The following SHROOM3 variants were observed in gnomAD, a reference collection of about 807,000 sequenced individuals.
SHROOM3 encodes shroom family member 3, also known as protein Shroom3.
Under a neutral mutation model 138.6 loss-of-function variants are expected in SHROOM3, and 47 were observed. The ratio of observed to expected loss-of-function variants is 0.34; its 90% CI spans 0.27 to 0.43. The LOEUF (loss-of-function observed/expected upper bound fraction) is 0.43. Among genes scored for constraint, SHROOM3 ranks in the 20% least tolerant of loss-of-function variants. The probability of loss-of-function intolerance (pLI) is 1.00; values close to 1 mark genes in which losing one functional copy is unlikely to be tolerated. For missense variants in SHROOM3, 2,491 were observed against 2,596.5 expected (o/e 0.96, Z 0.88); for synonymous variants, 1,062 against 1,063.3 (o/e 1.00, Z 0.02).
chr4:76,754,816 G>A lies in SHROOM3; in HGVS notation c.4333G>A (p.Glu1445Lys). The A allele has an allele frequency of 6.2e-7, 1 of 1,614,168 alleles. No homozygotes were observed. The highest frequency in any genetic ancestry group is 8.5e-7 in the Non-Finnish European group (1 of 1,180,022). ...AGCCAGAGAGGACAGCCTTCCTGAG[G>A]AATCCTCAGCCCCTGATTTTGCAAA... ...HAAREDSLPE[E>K]SSAPDFANLK... is the part of the protein sequence containing the mutation. The change falls in exon 7 of 11, where the codon GAA becomes AAA. Residue 1445 changes from glutamate (E) to lysine (K), a missense_variant. Physicochemically the swap from Glu to Lys is moderately conservative, Grantham distance 56. This residue lies in a region of SHROOM3 where 1,733 missense variants were observed against 1,661.6 expected (regional missense o/e 1.04). Coordinates refer to ENST00000296043, the MANE Select transcript of SHROOM3 (RefSeq NM_020859.4).
chr4:76,603,619 A>G (rs1382171802), intron 2 of SHROOM3, among the ~76,000 whole-genome samples: 1 of 151,862 alleles, frequency 6.6e-6, no homozygotes, highest in Non-Finnish European at 1.5e-5. Flanking sequence ...GTTCTAGGGC[A>G]CATGTGCCCA....
intron 2 of SHROOM3, among the ~76,000 whole-genome samples, chr4:76,582,826 G>A (rs1023283150): frequency 1.5e-4 from 23 of 152,284 alleles, no homozygotes; most frequent in African/African-American, 4.1e-4. Context: ...TCAAGGTCAC[G>A]TGCTAATCAG....
intron 2 of SHROOM3, among the ~76,000 whole-genome samples, chr4:76,701,359 A>G (rs1719897424): frequency 6.6e-6 from 1 of 152,132 alleles, no homozygotes; most frequent in South Asian, 2.1e-4. Flanking sequence ...CAAAGGCAGT[A>G]TGGAACAAGA....
chr4:76,485,144 G>T lies in SHROOM3; in HGVS notation c.168+48924G>T, dbSNP rs143221179. On this transcript the variant is annotated intron_variant, in intron 1 of 10. Coordinates refer to ENST00000296043, the MANE Select transcript of SHROOM3 (RefSeq NM_020859.4). The stretch of plus-strand genomic sequence containing the variant: ...CAGAAGCTGCGATGTTAAATTAGGG[G>T]TCAACTGTCCCTTGCCCCCCTCCCT... Among the ~76,000 whole-genome samples, 849 of 152,260 alleles carry T rather than the reference G, an allele frequency of 5.6e-3. 13 individuals carry two copies. Among genetic ancestry groups the T allele is most frequent in the Non-Finnish European group, 6.0e-3 (411 of 68,020 alleles).
At chr4:76,586,932 A>C (rs955364456) in intron 2 of SHROOM3, 3 of 152,318 alleles carry the variant, frequency 2.0e-5, no homozygotes, top group East Asian at 3.9e-4. Context: ...ATATGAAGGC[A>C]GCTTTTCTTT....
intron 1 of SHROOM3, among the ~76,000 whole-genome samples, chr4:76,548,069 C>T (rs898598440): frequency 1.4e-4 from 21 of 150,020 alleles, no homozygotes; most frequent in African/African-American, 4.4e-4. Flanking sequence ...CTCTGGAAGA[C>T]GAATTTGTGT....
At chr4:76,450,835 A>T (rs554883641) in intron 1 of SHROOM3, among the ~76,000 whole-genome samples, 2 of 152,352 alleles carry the variant, frequency 1.3e-5, no homozygotes, top group South Asian at 4.1e-4. Flanking sequence ...AAAATCAATG[A>T]ATCATAAAGA....
chr4:76,470,083 G>T (rs764270785), intron 1 of SHROOM3, among the ~76,000 whole-genome samples: 14 of 152,122 alleles, frequency 9.2e-5, no homozygotes, highest in Non-Finnish European at 1.9e-4. Flanking sequence ...TGCTTTATAT[G>T]CATTAACTCA....
intron 2 of SHROOM3, among the ~76,000 whole-genome samples, chr4:76,671,366 GT>G (rs1277047687): frequency 1.3e-5 from 2 of 152,176 alleles, no homozygotes; most frequent in African/African-American, 4.8e-5. Flanking sequence ...ATGGCTTCCA[GT>G]TGCCTTTTGG....
At chr4:76,510,997 A>G (rs895803331) in intron 1 of SHROOM3, among the ~76,000 whole-genome samples, 1 of 152,090 alleles carries the variant, frequency 6.6e-6, no homozygotes. Context: ...CCTGGCCAAC[A>G]TGGTGAAACC....
chr4:76,632,375 A>T (rs934124491), intron 2 of SHROOM3, among the ~76,000 whole-genome samples: 1 of 152,224 alleles, frequency 6.6e-6, no homozygotes, highest in Non-Finnish European at 1.5e-5. Flanking sequence ...AGCAAAGGCT[A>T]CTTAAAAGAA....
chr4:76,593,205 T>G (rs1222851198), intron 2 of SHROOM3, among the ~76,000 whole-genome samples: 1 of 152,230 alleles, frequency 6.6e-6, no homozygotes, highest in Non-Finnish European at 1.5e-5. Context: ...TGAAAAGATC[T>G]GTCTAAAAAT....
In SHROOM3 at chr4:76,770,891, A is replaced by C; in HGVS notation, c.5615A>C (p.Glu1872Ala). Residue 1872 changes from glutamate (E) to alanine (A), a missense_variant, in exon 10 of 11, where the codon GAA (glutamate) becomes GCA (alanine). Physicochemically the swap from Glu to Ala is moderately radical, Grantham distance 107 (BLOSUM62 -1). Coordinates refer to ENST00000296043, the MANE Select transcript of SHROOM3 (RefSeq NM_020859.4). The part of the protein sequence containing the change: ...LSGLGEDASN[E>A]ERSSLYEKRK... ...GGCCTTGGTGAAGATGCCAGTAATG[A>C]AGAAAGGGTAGGTGGCCTAGTGATG... 1 of 1,614,226 alleles carries C rather than the reference A, an allele frequency of 6.2e-7. No individual in the cohort carries two copies. The highest frequency in any genetic ancestry group is 8.5e-7 in the Non-Finnish European group (1 of 1,180,036).
At chr4:76,468,021 G>A (rs926444560) in intron 1 of SHROOM3, among the ~76,000 whole-genome samples, 1 of 152,218 alleles carries the variant, frequency 6.6e-6, no homozygotes, top group African/African-American at 2.4e-5. Context: ...AACATAAGGG[G>A]CATAGAATGG....
chr4:76,526,040 C>T (rs550850402), intron 1 of SHROOM3, among the ~76,000 whole-genome samples: 1 of 152,274 alleles, frequency 6.6e-6, no homozygotes, highest in African/African-American at 2.4e-5. Context: ...GGGAATTATA[C>T]CTCTTTTTCT....
chr4:76,467,128 A>C (rs1731265936), intron 1 of SHROOM3, among the ~76,000 whole-genome samples: 1 of 150,818 alleles, frequency 6.6e-6, no homozygotes, highest in Non-Finnish European at 1.5e-5. Context: ...CTGCAGCCTC[A>C]ACCCTCTGGG....
rs529207916 is a variant in SHROOM3 at position 76,741,407 on chromosome 4, G to T, written c.3234G>T (p.Leu1078=). The T allele has an allele frequency of 5.6e-6, 9 of 1,600,404 alleles. No individual in the cohort carries two copies. The South Asian group carries it at 6.7e-5, about 12-fold the overall frequency. ...CSTLSLSGPE[L]KQFQQSALAD... The stretch of plus-strand genomic sequence containing the variant: ...CGCTCAGCCTGTCGGGGCCCGAGCT[G>T]AAGCAGTTCCAGCAGAGCGCCCTGG... The change falls in exon 5 of 11, where the codon CTG becomes CTT. Residue 1078 remains leucine (L), a synonymous_variant. Coordinates refer to ENST00000296043, the MANE Select transcript of SHROOM3 (RefSeq NM_020859.4). The surrounding 1 kb of genome is among the most constrained non-coding windows in gnomAD (Gnocchi z 6.2).
chr4:76,653,025 G>T (rs114854611), intron 2 of SHROOM3, among the ~76,000 whole-genome samples: 2,120 of 152,016 alleles, frequency 0.014, 48 homozygotes, highest in African/African-American at 0.048. Flanking sequence ...TAGGACTTTT[G>T]CTATATTTAC....
At chr4:76,672,560 T>C (rs553427035) in intron 2 of SHROOM3, among the ~76,000 whole-genome samples, 48 of 150,744 alleles carry the variant, frequency 3.2e-4, no homozygotes, top group African/African-American at 1.1e-3. Flanking sequence ...GTCACCATTT[T>C]GTAAAGGATA....
Sources: gnomAD v4.1 joint callset for allele counts (sites outside exome capture counted in the v4.1 genomes callset) on GRCh38, gnomAD v4.1.1 for gene constraint, gnomAD v4.1.1 regional missense constraint, Gnocchi (gnomAD v3.1) non-coding constraint, MANE v1.5 for transcripts, NCBI Gene and HGNC (gene_info 2026-07-23, HGNC 2026-07-21) for gene names.